LGI2: variants seen among roughly 807,000 people sequenced by gnomAD.
LGI2 encodes the protein leucine rich repeat LGI family member 2.
A neutral mutation model predicts 52.0 loss-of-function variants in LGI2; 30 were observed. The ratio of observed to expected loss-of-function variants is 0.58; its 90% CI spans 0.43 to 0.78. The LOEUF is 0.78. Ranked by LOEUF, LGI2 falls within the 30% of genes least tolerant of loss-of-function variation. The pLI is 0.00. For synonymous variants in LGI2, 270 were observed against 271.8 expected, an observed-to-expected ratio of 0.99 and a Z score of 0.06; for missense variants, 573 against 692.5, an observed-to-expected ratio of 0.83 and a Z score of 1.94.
downstream of LGI2, among the ~76,000 whole-genome samples, chr4:24,994,599 C>T (rs1725004276): frequency 6.6e-6 from 1 of 152,160 alleles, no homozygotes; most frequent in Non-Finnish European, 1.5e-5. Flanking sequence ...TGTTCATCTG[C>T]TCCTCCACAC....
In LGI2 at chr4:25,003,090, G is replaced by GT. The variant is rs3839169; in HGVS notation, c.*360dup. Reference sequence around the variant, plus strand: ...TAAAGTGGAATGAGAGGGGCTCAAAGTTTTTTTTTATTTCATTATAAGTGC... The same window carrying GT: ...TAAAGTGGAATGAGAGGGGCTCAAAGTTTTTTTTTTATTTCATTATAAGTGC... On this transcript the variant is annotated 3_prime_UTR_variant, in exon 8 of 8. Transcript: ENST00000382114. 34 of 164,468 alleles carry GT rather than the reference G, an allele frequency of 2.1e-4. No homozygotes were observed. Among genetic ancestry groups the GT allele is most frequent in the Non-Finnish European group, 3.2e-4 (25 of 77,134 alleles). The allele number at this position is 164,468 out of a possible 1,614,324, so 10.2% of individuals were successfully genotyped here. A position where few individuals can be genotyped will look rare whatever the true frequency, so the allele number is the denominator to read the frequency against.
Position 24,999,148 on chromosome 4 carries a change from G to GA in LGI2, c.*4302dup, listed in dbSNP as rs1335772538. The GA allele has an allele frequency of 2.0e-5, 3 of 152,030 alleles. No individual in the cohort carries two copies. The highest frequency in any genetic ancestry group is 2.9e-5 in the Non-Finnish European group (2 of 68,000). The allele number at this position is 152,030 out of a possible 1,614,324, so 9.4% of individuals were successfully genotyped here. On this transcript the variant is annotated 3_prime_UTR_variant, in exon 8 of 8. Transcript: ENST00000382114. Reference sequence around the variant, plus strand: ...ATAGGGAATGCATAGTTTCCTACTAGAAAAAAAGTAGATTTTGATACAAGC... The same window carrying GA: ...ATAGGGAATGCATAGTTTCCTACTAGAAAAAAAAGTAGATTTTGATACAAGC...
Position 25,000,532 on chromosome 4 carries a change from A to G in LGI2, c.*2919T>C, listed in dbSNP as rs1294674885. On this transcript the variant is annotated 3_prime_UTR_variant, in exon 8 of 8. Coordinates refer to ENST00000382114, the MANE Select transcript of LGI2 (RefSeq NM_018176.4). ...AATAACACAGTGCTCTTCATGTCTA[A>G]GAGTTATTTTTAGAGTCTTGATAAT... 6.6e-6 allele frequency: 1 copy of G among 152,254 alleles called. No homozygotes were observed. The highest frequency in any genetic ancestry group is 1.5e-5 in the Non-Finnish European group (1 of 68,076). The allele number at this position is 152,254 out of a possible 1,614,324, so 9.4% of individuals were successfully genotyped here.
chr4:24,997,353 G>T (rs536089380), downstream of LGI2, among the ~76,000 whole-genome samples: 41 of 152,308 alleles, frequency 2.7e-4, no homozygotes, highest in African/African-American at 9.9e-4. Context: ...GAGCACTTTA[G>T]TTCCAAGATG....
chr4:24,997,804 G>C (rs530452587), downstream of LGI2, among the ~76,000 whole-genome samples: 24 of 152,266 alleles, frequency 1.6e-4, no homozygotes, highest in African/African-American at 5.5e-4. Flanking sequence ...TAGAGACAAG[G>C]TGATGAGATC....
chr4:25,016,379 A>C (rs1470679125), intron 6 of LGI2, among the ~76,000 whole-genome samples: 1 of 152,246 alleles, frequency 6.6e-6, no homozygotes, highest in Non-Finnish European at 1.5e-5. Context: ...GAGAAGTCTC[A>C]GTGAGCTTTA....
chr4:25,025,142 A>C (rs1347912913), intron 3 of LGI2, among the ~76,000 whole-genome samples: 3 of 139,192 alleles, frequency 2.2e-5, no homozygotes, highest in Non-Finnish European at 4.9e-5. Flanking sequence ...TGAGCTGGCA[A>C]CATGGGTAAA....
At chr4:24,997,899 T>C (rs566762551), downstream of LGI2, among the ~76,000 whole-genome samples, 197 of 152,224 alleles carry the variant, frequency 1.3e-3, no homozygotes, top group Non-Finnish European at 2.4e-3. Flanking sequence ...TTTTAAGAGA[T>C]GGTAGTCTCA....
At chr4:25,007,400 G>A (rs1173766056) in intron 7 of LGI2, among the ~76,000 whole-genome samples, 1 of 152,044 alleles carries the variant, frequency 6.6e-6, no homozygotes, top group Admixed American at 6.6e-5. Context: ...TAATTGAGAG[G>A]GCAGGCTCCT....
chr4:25,029,534 TG>T (rs1726257914), intron 1 of LGI2, among the ~76,000 whole-genome samples: 2 of 152,194 alleles, frequency 1.3e-5, no homozygotes, highest in Admixed American at 6.5e-5. Flanking sequence ...CATCTTGGCC[TG>T]GAACAAGAGA....
intron 4 of LGI2, among the ~76,000 whole-genome samples, chr4:25,020,959 A>G (rs1725938704): frequency 6.6e-6 from 1 of 152,184 alleles, no homozygotes; most frequent in Non-Finnish European, 1.5e-5. Context: ...GGGGGTGTTC[A>G]TTTTGATTTT....
chr4:25,003,680 A>C lies in LGI2; in HGVS notation c.1409T>G (p.Phe470Cys). Reference protein sequence around the residue: ...PSRGAMTLQPFSFKDNHYLAL... With the variant: ...PSRGAMTLQPCSFKDNHYLAL... ...CAGGTAGTGATTATCTTTAAAAGAA[A>C]AGGGCTGCAGGGTCATGGCCCCCCG... Residue 470 changes from phenylalanine (F) to cysteine (C), a missense_variant, in exon 8 of 8, where the codon TTT (phenylalanine) becomes TGT (cysteine). Coordinates refer to ENST00000382114, the MANE Select transcript of LGI2 (RefSeq NM_018176.4). 1 of 1,614,198 alleles carries C rather than the reference A, an allele frequency of 6.2e-7. No individual in the cohort carries two copies. The highest frequency in any genetic ancestry group is 8.5e-7 in the Non-Finnish European group (1 of 1,180,032).
chr4:25,020,000 C>G (rs1238098846), intron 4 of LGI2, among the ~76,000 whole-genome samples: 2 of 151,972 alleles, frequency 1.3e-5, no homozygotes, highest in Admixed American at 1.3e-4. Flanking sequence ...TATTAAGCAC[C>G]AAAGTGTGAG....
intron 4 of LGI2, among the ~76,000 whole-genome samples, chr4:25,024,409 G>A (rs1158012897): frequency 6.6e-6 from 1 of 152,152 alleles, no homozygotes; most frequent in African/African-American, 2.4e-5. Context: ...AGCTACTCGG[G>A]AGGCTGAGGC....
Position 25,003,364 on chromosome 4 carries a change from C to CT in LGI2, c.*86_*87insA. ...TGCTTTTTAATTTCAGAGCTCTGAG[C>CT]CTGGCTTTGATTTGTTTGTTGATTT... On this transcript the variant is annotated 3_prime_UTR_variant, in exon 8 of 8. Transcript: ENST00000382114. The CT allele has an allele frequency of 1.1e-6, 1 of 938,986 alleles. No homozygotes were observed. The highest frequency in any genetic ancestry group is 1.7e-5 in the African/African-American group (1 of 59,938). 58.2% of individuals were successfully genotyped at this position (938,986 alleles called of 1,614,324 possible).
chr4:25,005,870 G>T (rs1313839087), intron 7 of LGI2, among the ~76,000 whole-genome samples: 1 of 152,176 alleles, frequency 6.6e-6, no homozygotes, highest in Non-Finnish European at 1.5e-5. Flanking sequence ...CTGACCCTGT[G>T]CTGGTTAACC....
rs201742817 is a variant in LGI2, at chr4:25,028,457, G to A, written c.269+50C>T. The A allele has an allele frequency of 1.7e-3, 2,652 of 1,553,068 alleles. 12 individuals carry two copies. Among genetic ancestry groups the A allele is most frequent in the Middle Eastern group, 6.4e-3 (31 of 4,808 alleles). ...AAAGAGGCAGAGACGGCCCTCCAAG[G>A]ATGGCACCTCAGGGCCCCCCATTGT... On this transcript the variant is annotated intron_variant, in intron 2 of 7. Coordinates refer to ENST00000382114, the MANE Select transcript of LGI2 (RefSeq NM_018176.4).
Position 25,003,702 on chromosome 4 carries a change from C to G in LGI2, c.1387G>C (p.Gly463Arg), listed in dbSNP as rs764174699. 5 of 1,614,174 alleles carry G rather than the reference C, an allele frequency of 3.1e-6. No individual in the cohort carries two copies. The highest frequency in any genetic ancestry group is 2.2e-5 in the East Asian group (1 of 44,882). ...GAAAAGGGCTGCAGGGTCATGGCCC[C>G]CCGGGATGGAAGAGCTTGGATCTCC... Reference protein sequence around the residue: ...FVEIQALPSRGAMTLQPFSFK... With the variant: ...FVEIQALPSRRAMTLQPFSFK... Residue 463 changes from glycine (G) to arginine (R), a missense_variant, in exon 8 of 8, where the codon GGG (glycine) becomes CGG (arginine). Gly to Arg is a moderately radical substitution (Grantham distance 125, BLOSUM62 -2). Transcript: ENST00000382114.
intron 7 of LGI2, among the ~76,000 whole-genome samples, chr4:25,011,925 A>ATG (rs145138871): frequency 6.6e-5 from 10 of 151,776 alleles, no homozygotes; most frequent in African/African-American, 1.2e-4. Flanking sequence ...ACTATAGGGT[A>ATG]TGTGTGTGTG....
Sources: allele counts gnomAD v4.1 joint callset (sites outside exome capture counted in the v4.1 genomes callset), GRCh38; gene constraint gnomAD v4.1.1; transcripts MANE v1.5; gene names NCBI Gene and HGNC (gene_info 2026-07-23, HGNC 2026-07-21).